The following PPP2R3A variants were observed in gnomAD, a reference collection of about 807,000 sequenced individuals.
The protein encoded by PPP2R3A is serine/threonine-protein phosphatase 2A regulatory subunit B'' subunit alpha.
A neutral mutation model predicts 106.9 loss-of-function variants in PPP2R3A; 80 were observed. The ratio of observed to expected loss-of-function variants is 0.75; its 90% CI spans 0.62 to 0.90. PPP2R3A has a LOEUF of 0.90. Among genes scored for constraint, PPP2R3A ranks in the 40% least tolerant of loss-of-function variants. The pLI is 0.00. For missense variants in PPP2R3A, 1,386 were observed against 1,350.4 expected (o/e 1.03, Z -0.41); for synonymous variants, 483 against 468.3 (o/e 1.03, Z -0.41).
chr3:136,007,772 T>G (rs1034316288), intron 2 of PPP2R3A, among the ~76,000 whole-genome samples: 1 of 152,252 alleles, frequency 6.6e-6, no homozygotes, highest in Non-Finnish European at 1.5e-5. Context: ...TATATATTCA[T>G]TGTCCTTTTG....
At chr3:136,123,812 T>G (rs942919999) in intron 13 of PPP2R3A, among the ~76,000 whole-genome samples, 17 of 152,194 alleles carry the variant, frequency 1.1e-4, no homozygotes, top group African/African-American at 4.1e-4. Context: ...AGTTGGAGAT[T>G]TCAACACTTC....
At chr3:136,095,092 A>G (rs769394415) in intron 10 of PPP2R3A, among the ~76,000 whole-genome samples, 2 of 152,082 alleles carry the variant, frequency 1.3e-5, no homozygotes, top group Non-Finnish European at 2.9e-5. Context: ...TCTGGATACC[A>G]TAATTCTTCA....
chr3:136,071,759 G>A (rs1936435589), intron 6 of PPP2R3A, among the ~76,000 whole-genome samples: 1 of 151,970 alleles, frequency 6.6e-6, no homozygotes, highest in Non-Finnish European at 1.5e-5. Context: ...CCATACCCTG[G>A]CAACCCCTAT....
chr3:136,141,773 A>T (rs1938882665), intron 13 of PPP2R3A, among the ~76,000 whole-genome samples: 1 of 152,222 alleles, frequency 6.6e-6, no homozygotes, highest in Non-Finnish European at 1.5e-5. Flanking sequence ...AGCAAAGGAT[A>T]TGTGGCAAGA....
chr3:135,996,408 A>G (rs559511614), intron 1 of PPP2R3A, among the ~76,000 whole-genome samples: 4 of 152,298 alleles, frequency 2.6e-5, no homozygotes, highest in Non-Finnish European at 4.4e-5. Flanking sequence ...TTTTATTTCT[A>G]TCAACTTTTA....
At chr3:136,137,054 C>G (rs1404746982) in intron 13 of PPP2R3A, among the ~76,000 whole-genome samples, 1 of 152,080 alleles carries the variant, frequency 6.6e-6, no homozygotes, top group African/African-American at 2.4e-5. Flanking sequence ...TTACTTAATC[C>G]AAGTCAACTA....
intron 10 of PPP2R3A, among the ~76,000 whole-genome samples, chr3:136,096,980 A>AC (rs1559918030): frequency 6.6e-6 from 1 of 150,894 alleles, no homozygotes; most frequent in African/African-American, 2.5e-5. Context: ...CACACACACA[A>AC]AAAATGTAAT....
intron 8 of PPP2R3A, among the ~76,000 whole-genome samples, chr3:136,086,195 T>G (rs1936923935): frequency 6.7e-6 from 1 of 150,046 alleles, no homozygotes; most frequent in South Asian, 2.1e-4. Flanking sequence ...ATTTAAGAAA[T>G]AAAGTTGGCC....
intron 13 of PPP2R3A, among the ~76,000 whole-genome samples, chr3:136,121,121 GAC>G (rs1394015374): frequency 6.6e-6 from 1 of 152,052 alleles, no homozygotes; most frequent in Non-Finnish European, 1.5e-5. Flanking sequence ...CTACCAAAAA[GAC>G]ACATGCACTT....
intron 13 of PPP2R3A, among the ~76,000 whole-genome samples, chr3:136,132,528 C>G (rs1254228659): frequency 1.3e-5 from 2 of 151,616 alleles, no homozygotes; most frequent in Non-Finnish European, 2.9e-5. Flanking sequence ...TATTCACAGT[C>G]ATATCAAAAA....
chr3:136,116,801 T>C (rs188432489), intron 13 of PPP2R3A, among the ~76,000 whole-genome samples: 9 of 152,318 alleles, frequency 5.9e-5, no homozygotes, highest in African/African-American at 2.2e-4. Flanking sequence ...TGGGACACTT[T>C]AACACCCCAA....
intron 6 of PPP2R3A, 61 bp downstream of exon 6, chr3:136,070,613 G>T: frequency 7.3e-7 from 1 of 1,376,762 alleles, no homozygotes; most frequent in Non-Finnish European, 9.9e-7. Context: ...ATTACCATCT[G>T]CTATCCAGAA....
chr3:136,060,913 G>C (rs1936054309), intron 5 of PPP2R3A, among the ~76,000 whole-genome samples: 1 of 151,854 alleles, frequency 6.6e-6, no homozygotes, highest in Non-Finnish European at 1.5e-5. Context: ...AAAATAATGA[G>C]GTAATACATA....
chr3:136,055,519 G>C (rs36039354), intron 5 of PPP2R3A: 2 of 1,216,318 alleles, frequency 1.6e-6, no homozygotes, highest in African/African-American at 1.5e-5. Context: ...AGGTTCTATC[G>C]TGCCTCATTC....
intron 2 of PPP2R3A, chr3:136,023,208 A>T (rs984653205): frequency 7.0e-7 from 1 of 1,431,062 alleles, no homozygotes; most frequent in South Asian, 1.3e-5. Flanking sequence ...ACAGGTTTGA[A>T]ATTTGGGTGT....
At position 136,030,761 on chromosome 3, in the gene PPP2R3A, C is replaced by CATATATATATATATATATATAT. The variant is rs374923726; in HGVS notation, c.2262+3683_2262+3684insATATATATATATATATATATAT. 2.9e-3 allele frequency among the ~76,000 whole-genome samples: 295 copies of CATATATATATATATATATATAT among 100,112 alleles called. 4 individuals are homozygous for CATATATATATATATATATATAT. Among genetic ancestry groups the CATATATATATATATATATATAT allele is most frequent in the Middle Eastern group, 4.6e-3 (1 of 218 alleles). The allele number at this position is 100,112 out of a possible 152,430, so 65.7% of individuals were successfully genotyped here. Reference sequence around the variant, plus strand: ...TTTATGGCTGAGTAGTATTCCATCACATATATATATATATATATATGTATG... The same window carrying CATATATATATATATATATATAT: ...TTTATGGCTGAGTAGTATTCCATCACATATATATATATATATATATATATATATATATATATATATATGTATG... On this transcript the variant is annotated intron_variant, in intron 3 of 13. Transcript: ENST00000264977.
chr3:136,137,412 A>G (rs1339032481), intron 13 of PPP2R3A, among the ~76,000 whole-genome samples: 3 of 152,082 alleles, frequency 2.0e-5, no homozygotes, highest in Admixed American at 6.6e-5. Context: ...GTTCTCAAGC[A>G]GTAACTCACA....
intron 13 of PPP2R3A, among the ~76,000 whole-genome samples, chr3:136,124,604 AAAAG>A (rs1458725141): frequency 6.6e-6 from 1 of 152,204 alleles, no homozygotes; most frequent in African/African-American, 2.4e-5. Flanking sequence ...AGCTAGAAAA[AAAAG>A]AGCAAACAAG....
In PPP2R3A at chr3:136,001,985, G is replaced by A. The variant is rs1323647580; in HGVS notation, c.487G>A (p.Gly163Ser). 1 of 1,614,092 alleles carries A rather than the reference G, an allele frequency of 6.2e-7. No individual in the cohort carries two copies. The highest frequency in any genetic ancestry group is 8.5e-7 in the Non-Finnish European group (1 of 1,180,004). ...GTCAGTTGATTTGGACTTGCTTTGT[G>A]GCCATTATAACAACGATGGGAACGC... ...RRSVDLDLLC[G>S]HYNNDGNAPS... is the part of the protein sequence containing the mutation. The change falls in exon 2 of 14, where the codon GGC (glycine) becomes AGC (serine). Residue 163 changes from glycine to serine, a missense_variant. Transcript: ENST00000264977.
Sources: gnomAD v4.1 joint callset for allele counts (sites outside exome capture counted in the v4.1 genomes callset) on GRCh38, gnomAD v4.1.1 for gene constraint, MANE v1.5 for transcripts, NCBI Gene and HGNC (gene_info 2026-07-23, HGNC 2026-07-21) for gene names.